The following UNC5A variants were observed in gnomAD, a reference collection of about 807,000 sequenced individuals.
UNC5A encodes unc-5 netrin receptor A.
UNC5A carries 20 observed loss-of-function variants against 87.4 expected under a neutral mutation model. The ratio of observed to expected loss-of-function variants is 0.23; its 90% CI spans 0.16 to 0.33. The LOEUF is 0.33. Ranked by LOEUF, UNC5A falls within the 10% of genes least tolerant of loss-of-function variation. UNC5A has a pLI of 1.00. For synonymous variants in UNC5A, 438 were observed against 482.3 expected, an observed-to-expected ratio of 0.91 and a Z score of 1.20; for missense variants, 844 against 1,133.4, an observed-to-expected ratio of 0.74 and a Z score of 3.67.
chr5:176,871,632 G>A (rs57010737), intron 6 of UNC5A, among the ~76,000 whole-genome samples: 1 of 3,148 alleles, frequency 3.2e-4, no homozygotes, highest in Non-Finnish European at 6.4e-4. Context: ...GCCCACACTC[G>A]CCCCACACCA....
chr5:176,838,009 G>C lies in UNC5A; in HGVS notation c.71-24615G>C, dbSNP rs185972999. Among the ~76,000 whole-genome samples the C allele has an allele frequency of 4.4e-4, 67 of 152,342 alleles. No individual in the cohort carries two copies. Among genetic ancestry groups the C allele is most frequent in the Admixed American group, 4.2e-3 (64 of 15,308 alleles). ...TATACATCCAGTCACTGTTGTGCAA[G>C]AGTACACTACTGAACGGAATAGTCA... is the stretch of plus-strand genomic sequence containing the variant. On this transcript the variant is annotated intron_variant, in intron 1 of 14. Transcript: ENST00000329542. This position sits in a 1 kb window ranked among gnomAD's most constrained non-coding sequence, Gnocchi z 4.2.
At chr5:176,839,070 G>T (rs150887226) in intron 1 of UNC5A, among the ~76,000 whole-genome samples, 22 of 152,198 alleles carry the variant, frequency 1.4e-4, no homozygotes, top group Non-Finnish European at 2.2e-4. Flanking sequence ...GTTTGCACCT[G>T]CAGGTCTCTG....
At chr5:176,845,620 C>T (rs1007789695) in intron 1 of UNC5A, among the ~76,000 whole-genome samples, 2 of 152,230 alleles carry the variant, frequency 1.3e-5, no homozygotes, top group Non-Finnish European at 1.5e-5. Context: ...ATCTGTACTG[C>T]GGTGAGCCAG....
intron 1 of UNC5A, among the ~76,000 whole-genome samples, chr5:176,831,812 C>G (rs936869609): frequency 2.0e-5 from 3 of 152,042 alleles, no homozygotes; most frequent in African/African-American, 7.3e-5. Flanking sequence ...AAAGCCCACT[C>G]AAGCTGGTCC....
At chr5:176,860,191 G>A (rs1461434474) in intron 1 of UNC5A, among the ~76,000 whole-genome samples, 1 of 152,182 alleles carries the variant, frequency 6.6e-6, no homozygotes, top group Non-Finnish European at 1.5e-5. Context: ...GCACAGGTGG[G>A]CCGGGAACCT....
chr5:176,830,492 ATGTG>A (rs1756973436), intron 1 of UNC5A, among the ~76,000 whole-genome samples: 1 of 75,212 alleles, frequency 1.3e-5, no homozygotes, highest in Non-Finnish European at 2.5e-5. Context: ...GTGCCGGCGT[ATGTG>A]TGTGCTGCTG....
chr5:176,814,842 G>T (rs770604350), intron 1 of UNC5A, among the ~76,000 whole-genome samples: 2 of 152,200 alleles, frequency 1.3e-5, no homozygotes, highest in Non-Finnish European at 2.9e-5. Flanking sequence ...CTCTTTGCAG[G>T]CAGGGAGGGC....
At chr5:176,835,310 G>T (rs1305616980) in intron 1 of UNC5A, among the ~76,000 whole-genome samples, 1 of 152,268 alleles carries the variant, frequency 6.6e-6, no homozygotes, top group East Asian at 1.9e-4. Flanking sequence ...AGGGCCACCT[G>T]CCAGGCCTGC....
At chr5:176,818,338 T>C (rs1756644786) in intron 1 of UNC5A, among the ~76,000 whole-genome samples, 1 of 152,212 alleles carries the variant, frequency 6.6e-6, no homozygotes, top group African/African-American at 2.4e-5. Flanking sequence ...GTCCCGGCTG[T>C]CCTCTGCAGG....
intron 1 of UNC5A, among the ~76,000 whole-genome samples, chr5:176,830,912 C>T (rs1418295050): frequency 5.5e-4 from 45 of 81,412 alleles, no homozygotes; most frequent in African/African-American, 2.1e-3. Context: ...GTGTATGTGC[C>T]GGCGTGTGTG....
chr5:176,850,868 C>T (rs1418155707), intron 1 of UNC5A, among the ~76,000 whole-genome samples: 3 of 151,620 alleles, frequency 2.0e-5, no homozygotes, highest in Admixed American at 1.3e-4. Flanking sequence ...GTGTATGTGC[C>T]CACAAATGCT....
Position 176,875,260 on chromosome 5 carries a change from C to T in UNC5A, c.1378+694C>T, listed in dbSNP as rs1419716550. ...CCCCCATCCTTAGCCTGCAGTTCTC[C>T]CGGGCGACAGAACTGTACACCCAGC... On this transcript the variant is annotated intron_variant, in intron 8 of 14. Transcript: ENST00000329542. This position sits in a 1 kb window ranked among gnomAD's most constrained non-coding sequence, Gnocchi z 5.2. Among the ~76,000 whole-genome samples the T allele has an allele frequency of 6.6e-6, 1 of 152,176 alleles. No individual in the cohort carries two copies. The highest frequency in any genetic ancestry group is 1.9e-4 in the East Asian group (1 of 5,198).
intron 3 of UNC5A, 110 bp from the exon 4 acceptor site, chr5:176,868,451 G>A (rs1561664916): frequency 6.9e-7 from 1 of 1,442,564 alleles, no homozygotes; most frequent in East Asian, 2.5e-5. Flanking sequence ...CTGGCCACCT[G>A]GCACTTCCTC....
At chr5:176,829,249 ATGGGTGGATGGATGGGTGGC>A (rs1232375516) in intron 1 of UNC5A, among the ~76,000 whole-genome samples, 7 of 94,866 alleles carry the variant, frequency 7.4e-5, no homozygotes, top group Admixed American at 1.3e-4. Context: ...GGATGGATGG[ATGGGTGGATGGATGGGTGGC>A]TGGATGGATG....
In UNC5A at chr5:176,858,765, AGG is replaced by A. The variant is rs1366366270; in HGVS notation, c.71-3858_71-3857del. On this transcript the variant is annotated intron_variant, in intron 1 of 14. Coordinates refer to ENST00000329542, the MANE Select transcript of UNC5A (RefSeq NM_133369.3). ...AAGGAAGGAAGGAAGGAAGGAAGGAAGGAAGGAAGGCAAGCAAGCAGGCAGGG... is the reference window on the plus strand; with the variant it reads ...AAGGAAGGAAGGAAGGAAGGAAGGAAAAGGAAGGCAAGCAAGCAGGCAGGG... Among the ~76,000 whole-genome samples, 36 of 138,130 alleles carry A rather than the reference AGG, an allele frequency of 2.6e-4. 1 individual carries two copies. Among genetic ancestry groups the A allele is most frequent in the Non-Finnish European group, 4.4e-4 (28 of 64,112 alleles). The allele number at this position is 138,130 out of a possible 152,430, so 90.6% of individuals were successfully genotyped here.
At chr5:176,862,899 C>G (rs1012744374) in intron 2 of UNC5A, 54 bp downstream of exon 2, 4 of 1,597,262 alleles carry the variant, frequency 2.5e-6, no homozygotes, top group Non-Finnish European at 3.4e-6. Context: ...GAGTTTCGGC[C>G]CCCCCAGAGG....
chr5:176,862,942 G>C (rs1581269420), intron 2 of UNC5A, 97 bp downstream of exon 2: 1 of 1,421,528 alleles, frequency 7.0e-7, no homozygotes, highest in African/African-American at 1.4e-5. Flanking sequence ...TCCCCACCTG[G>C]GACCCCGGAG....
intron 1 of UNC5A, among the ~76,000 whole-genome samples, chr5:176,831,885 CTTTTT>C (rs10580672): frequency 3.6e-5 from 1 of 27,664 alleles, no homozygotes; most frequent in African/African-American, 6.1e-5. Context: ...TTCTCTCTCT[CTTTTT>C]TTTTTTTTTT....
chr5:176,834,005 A>C (rs1324243723), intron 1 of UNC5A, among the ~76,000 whole-genome samples: 1 of 152,114 alleles, frequency 6.6e-6, no homozygotes, highest in African/African-American at 2.4e-5. Context: ...CACCCGGCCC[A>C]GTCACACAGC....
Sources: gnomAD v4.1 joint callset for allele counts (sites outside exome capture counted in the v4.1 genomes callset) on GRCh38, gnomAD v4.1.1 for gene constraint, Gnocchi (gnomAD v3.1) non-coding constraint, MANE v1.5 for transcripts, NCBI Gene and HGNC (gene_info 2026-07-23, HGNC 2026-07-21) for gene names.